The following LUZP2 variants were observed in gnomAD, a reference collection of about 807,000 sequenced individuals.
The protein encoded by LUZP2 is leucine zipper protein 2.
Under a neutral mutation model 51.6 loss-of-function variants are expected in LUZP2, and 52 were observed. The observed-to-expected ratio is 1.01, with a 90% CI of 0.81 to 1.27. The LOEUF (loss-of-function observed/expected upper bound fraction) is 1.27. Ranked by LOEUF, LUZP2 falls within the 50% of genes most tolerant of loss-of-function variation. The pLI, the probability that LUZP2 is intolerant of heterozygous loss-of-function variation, is 0.00. For missense variants in LUZP2, 436 were observed against 395.4 expected, an observed-to-expected ratio of 1.10 and a Z score of -0.87; for synonymous variants, 154 against 137.3, an observed-to-expected ratio of 1.12 and a Z score of -0.85.
At chr11:24,688,372 A>T (rs974162455) in intron 1 of LUZP2, among the ~76,000 whole-genome samples, 2 of 152,072 alleles carry the variant, frequency 1.3e-5, no homozygotes, top group African/African-American at 4.8e-5. Context: ...TACCCTCAGG[A>T]AGACTGTTTT....
At chr11:24,504,950 G>A (rs557009741) in intron 1 of LUZP2, among the ~76,000 whole-genome samples, 2 of 152,058 alleles carry the variant, frequency 1.3e-5, no homozygotes, top group East Asian at 1.9e-4. Context: ...AATTCTCACC[G>A]ATAATTTAAT....
chr11:24,683,718 T>C (rs1306748178), intron 1 of LUZP2, among the ~76,000 whole-genome samples: 1 of 152,306 alleles, frequency 6.6e-6, no homozygotes, highest in East Asian at 1.9e-4. Context: ...TATATTTCTC[T>C]TCAATGGCAC....
intron 5 of LUZP2, chr11:24,892,548 C>A: frequency 5.7e-6 from 3 of 526,300 alleles, no homozygotes; most frequent in South Asian, 1.7e-4. Context: ...TTCTCCATAA[C>A]ATTCTGTTTA....
intron 1 of LUZP2, among the ~76,000 whole-genome samples, chr11:24,527,571 A>T (rs538227413): frequency 0.042 from 5,393 of 128,230 alleles, 284 homozygotes; most frequent in African/African-American, 0.14. Flanking sequence ...TCTCTCTCAC[A>T]CACACACACA....
chr11:24,858,935 A>G (rs746505315), intron 5 of LUZP2, among the ~76,000 whole-genome samples: 4 of 152,196 alleles, frequency 2.6e-5, no homozygotes, highest in South Asian at 2.1e-4. Flanking sequence ...CATTTAATCA[A>G]TCATAACAGC....
intron 5 of LUZP2, among the ~76,000 whole-genome samples, chr11:24,778,113 A>T (rs1848991142): frequency 6.6e-6 from 1 of 152,090 alleles, no homozygotes; most frequent in Admixed American, 6.6e-5. Flanking sequence ...AATCAAACGT[A>T]TAGTAAGCTG....
At chr11:24,513,856 A>G (rs1850385010) in intron 1 of LUZP2, among the ~76,000 whole-genome samples, 1 of 152,184 alleles carries the variant, frequency 6.6e-6, no homozygotes, top group African/African-American at 2.4e-5. Context: ...GTTTATCTCA[A>G]AGAAGTGATG....
intron 1 of LUZP2, among the ~76,000 whole-genome samples, chr11:24,534,721 A>T (rs537484138): frequency 6.6e-6 from 1 of 151,490 alleles, no homozygotes; most frequent in Non-Finnish European, 1.5e-5. Context: ...ATATTTCTGA[A>T]GAGGAAGAGA....
intron 1 of LUZP2, among the ~76,000 whole-genome samples, chr11:24,505,237 T>C (rs1344288091): frequency 6.6e-6 from 1 of 152,138 alleles, no homozygotes; most frequent in South Asian, 2.1e-4. Flanking sequence ...AAACATACTG[T>C]TACCATCTAG....
At chr11:24,936,699 T>G (rs1216584417) in intron 7 of LUZP2, among the ~76,000 whole-genome samples, 1 of 152,126 alleles carries the variant, frequency 6.6e-6, no homozygotes, top group African/African-American at 2.4e-5. Context: ...TGTATTCACT[T>G]TTTCTATAGT....
At chr11:24,890,859 G>A (rs1852829961) in intron 5 of LUZP2, 2 of 912,834 alleles carry the variant, frequency 2.2e-6, no homozygotes, top group Non-Finnish European at 2.6e-6. Flanking sequence ...AAAATATAAA[G>A]CATTTTAGGG....
At chr11:25,060,697 G>C (rs1858811240) in intron 10 of LUZP2, among the ~76,000 whole-genome samples, 1 of 152,096 alleles carries the variant, frequency 6.6e-6, no homozygotes. Context: ...CTGTGATTAA[G>C]TTTTCAACAG....
At chr11:24,815,707 A>G (rs1257406974) in intron 5 of LUZP2, among the ~76,000 whole-genome samples, 1 of 152,138 alleles carries the variant, frequency 6.6e-6, no homozygotes, top group Admixed American at 6.5e-5. Flanking sequence ...TCAGAGAATC[A>G]ACTTCCTTGG....
chr11:25,079,466 T>C lies in LUZP2; in HGVS notation c.*808T>C, dbSNP rs1213954305. The C allele has an allele frequency of 6.6e-6, 1 of 152,080 alleles. No homozygotes were observed. Among genetic ancestry groups the C allele is most frequent in the African/African-American group, 2.4e-5 (1 of 41,434 alleles). The allele number at this position is 152,080 out of a possible 1,614,324, so 9.4% of individuals were successfully genotyped here. A position where few individuals can be genotyped will look rare whatever the true frequency, so the allele number is the denominator to read the frequency against. ...AAGAGTGAGTTCTAAAATACAAATA[T>C]GAAAGCAGGTAATATATATCACAAA... On this transcript the variant is annotated 3_prime_UTR_variant, in exon 12 of 12. Coordinates refer to ENST00000336930, the MANE Select transcript of LUZP2 (RefSeq NM_001009909.4).
At chr11:24,688,926 T>C (rs1856979476) in intron 1 of LUZP2, among the ~76,000 whole-genome samples, 1 of 152,062 alleles carries the variant, frequency 6.6e-6, no homozygotes, top group Admixed American at 6.6e-5. Context: ...ATCTCAGCCC[T>C]CCCTCCCTGT....
chr11:24,529,559 C>T (rs1270775927), intron 1 of LUZP2, among the ~76,000 whole-genome samples: 1 of 150,900 alleles, frequency 6.6e-6, no homozygotes, highest in Non-Finnish European at 1.5e-5. Flanking sequence ...CAAACAAATG[C>T]TAATGTGTCC....
intron 5 of LUZP2, among the ~76,000 whole-genome samples, chr11:24,803,855 A>T (rs1849769482): frequency 6.6e-6 from 1 of 152,086 alleles, no homozygotes; most frequent in East Asian, 1.9e-4. Flanking sequence ...TTTATATAAA[A>T]GTATTTCTGC....
intron 1 of LUZP2, among the ~76,000 whole-genome samples, chr11:24,645,017 AT>A (rs748272214): frequency 5.1e-4 from 78 of 152,086 alleles, no homozygotes; most frequent in Non-Finnish European, 1.0e-3. Flanking sequence ...CCCTTTTTGT[AT>A]TTTTGTGTCT....
intron 1 of LUZP2, among the ~76,000 whole-genome samples, chr11:24,547,229 A>G (rs1353634115): frequency 6.6e-6 from 1 of 151,864 alleles, no homozygotes; most frequent in Non-Finnish European, 1.5e-5. Context: ...CCTAAAATTC[A>G]CGTGGAACTA....
Sources: gnomAD v4.1 joint callset for allele counts (sites outside exome capture counted in the v4.1 genomes callset) on GRCh38, gnomAD v4.1.1 for gene constraint, MANE v1.5 for transcripts, NCBI Gene and HGNC (gene_info 2026-07-23, HGNC 2026-07-21) for gene names.